MBOAT7: variants seen among roughly 807,000 people sequenced by gnomAD.
The protein encoded by MBOAT7 is membrane-bound acylglycerophosphatidylinositol O-acyltransferase MBOAT7.
MBOAT7 carries 40 observed loss-of-function variants against 47.4 expected under a neutral mutation model. That is an observed-to-expected ratio of 0.84 (90% CI 0.66 to 1.10). The LOEUF is 1.10. MBOAT7 is among the 50% of genes least tolerant of loss of function. The pLI, the probability that MBOAT7 is intolerant of heterozygous loss-of-function variation, is 0.00. For missense variants in MBOAT7, 680 were observed against 655.6 expected, an observed-to-expected ratio of 1.04 and a Z score of -0.41; for synonymous variants, 361 against 292.0, an observed-to-expected ratio of 1.24 and a Z score of -2.41.
At position 54,188,458 on chromosome 19, in the gene MBOAT7, G is replaced by A; in HGVS notation, c.51C>T (p.Pro17=). ...CGGCTTTCTTAAAGAGGAAGCCGAT[G>A]GGGATGGAGATAAGAAGAACCACTA... ...TYLVVLLISI[P]IGFLFKKAGP... Residue 17 remains proline, a synonymous_variant, in exon 2 of 8, where the codon CCC becomes CCT. Transcript: ENST00000245615. 3.2e-6 allele frequency: 5 copies of A among 1,557,822 alleles called. No homozygotes were observed. The highest frequency in any genetic ancestry group is 2.4e-5 in the East Asian group (1 of 41,492).
At position 54,180,505 on chromosome 19, in the gene MBOAT7, T is replaced by G; in HGVS notation, c.854+268A>C. On this transcript the variant is annotated intron_variant, in intron 6 of 7. Coordinates refer to ENST00000245615, the MANE Select transcript of MBOAT7 (RefSeq NM_024298.5). This position sits in a 1 kb window ranked among gnomAD's most constrained non-coding sequence, Gnocchi z 5.2. ...CAACAGAGGGGTGGCACAGGGTTGC[T>G]AAGTTACCACCTTTTCCTAGCGACA... 1 of 441,484 alleles carries G rather than the reference T, an allele frequency of 2.3e-6. No individual in the cohort carries two copies. Among genetic ancestry groups the G allele is most frequent in the Non-Finnish European group, 4.0e-6 (1 of 249,610 alleles). 27.3% of individuals were successfully genotyped at this position (441,484 alleles called of 1,614,324 possible).
At chr19:54,181,988 A>G (rs2076298187) in intron 5 of MBOAT7, among the ~76,000 whole-genome samples, 1 of 68,244 alleles carries the variant, frequency 1.5e-5, no homozygotes, top group Non-Finnish European at 3.4e-5. Context: ...GGAGGGAAGG[A>G]AGGAGGGAGG....
At chr19:54,189,259 GC>G in intron 1 of MBOAT7, 78 bp downstream of exon 1, 1 of 153,298 alleles carries the variant, frequency 6.5e-6, no homozygotes, top group Non-Finnish European at 1.5e-5. Flanking sequence ...CTCCGGGGCC[GC>G]CCCGCACCCG....
Position 54,181,258 on chromosome 19 carries a change from G to A in MBOAT7, c.494-125C>T, listed in dbSNP as rs1357614278. 1.2e-5 allele frequency: 15 copies of A among 1,205,422 alleles called. 1 individual carries two copies. The South Asian group carries it at 1.8e-4, about 15-fold the overall frequency. 74.7% of individuals were successfully genotyped at this position (1,205,422 alleles called of 1,614,324 possible). A position where few individuals can be genotyped will look rare whatever the true frequency, so the allele number is the denominator to read the frequency against. On this transcript the variant is annotated intron_variant, in intron 5 of 7. Coordinates refer to ENST00000245615, the MANE Select transcript of MBOAT7 (RefSeq NM_024298.5). ...GGAGTGAGAGGGGCAGAGACTGGGC[G>A]CCGGGGAGACCCCAAGGGTAGGGAC...
chr19:54,178,667 G>A (rs1308966803), intron 7 of MBOAT7, 98 bp downstream of exon 7: 35 of 1,510,452 alleles, frequency 2.3e-5, no homozygotes, highest in South Asian at 2.6e-5. Context: ...ATGAGCCTCC[G>A]GGGGCAGGGG....
At chr19:54,174,837 T>C (rs565253656) in intron 7 of MBOAT7, among the ~76,000 whole-genome samples, 3 of 152,284 alleles carry the variant, frequency 2.0e-5, no homozygotes, top group Middle Eastern at 3.4e-3. Context: ...TCTGTCTCCT[T>C]CAGGGATCCA....
At position 54,188,282 on chromosome 19, in the gene MBOAT7, G is replaced by T; in HGVS notation, c.141C>A (p.Gly47=). Reference sequence around the variant, plus strand: ...TGACCAGAGAATGCAAAGTGTGGGGGCCACAGGTGAACAGGGTGAGCCCCA... The same window carrying T: ...TGACCAGAGAATGCAAAGTGTGGGGTCCACAGGTGAACAGGGTGAGCCCCA... ...VGLGLTLFTC[G]PHTLHSLVTI... The change falls in exon 3 of 8, where the codon GGC becomes GGA. Residue 47 remains glycine (G), a synonymous_variant. Transcript: ENST00000245615. 1.9e-6 allele frequency: 3 copies of T among 1,613,950 alleles called. No individual in the cohort carries two copies. The highest frequency in any genetic ancestry group is 1.7e-6 in the Non-Finnish European group (2 of 1,179,946).
intron 7 of MBOAT7, chr19:54,178,137 C>T: frequency 3.0e-6 from 2 of 664,152 alleles, no homozygotes; most frequent in Non-Finnish European, 3.7e-6. Flanking sequence ...GTCTCGAACT[C>T]CTGACCTCAT....
rs761565984 is a variant in MBOAT7 at position 54,177,900 on chromosome 19, GTTTTTTTTTTT to G, written c.1031+854_1031+864del. On this transcript the variant is annotated intron_variant, in intron 7 of 7. Coordinates refer to ENST00000245615, the MANE Select transcript of MBOAT7 (RefSeq NM_024298.5). ...ATGCCTGGCTATGAGTTCTACTTCT[GTTTTTTTTTTT>G]TTTTTTTTTTTTTTTTTTTGAGACG... Among the ~76,000 whole-genome samples, 546 of 75,948 alleles carry G rather than the reference GTTTTTTTTTTT, an allele frequency of 7.2e-3. 11 individuals carry two copies. The highest frequency in any genetic ancestry group is 0.017 in the African/African-American group (309 of 17,724). 49.8% of individuals were successfully genotyped at this position (75,948 alleles called of 152,430 possible). A position where few individuals can be genotyped will look rare whatever the true frequency, so the allele number is the denominator to read the frequency against.
chr19:54,188,251 G>T lies in MBOAT7; in HGVS notation c.172C>A (p.Leu58Ile). 1.2e-6 allele frequency: 2 copies of T among 1,613,848 alleles called. No individual in the cohort carries two copies. The highest frequency in any genetic ancestry group is 2.2e-5 in the South Asian group (2 of 91,040). ...GCCTGAATGAGGGCCCAGGTCCCGA[G>T]GATGGTGACCAGAGAATGCAAAGTG... ...PHTLHSLVTI[L>I]GTWALIQAQP... is the part of the protein sequence containing the mutation. Residue 58 changes from leucine to isoleucine, a missense_variant, in exon 3 of 8, where the codon CTC becomes ATC. Transcript: ENST00000245615.
chr19:54,182,628 A>C (rs2076319383), intron 5 of MBOAT7, among the ~76,000 whole-genome samples: 3 of 152,084 alleles, frequency 2.0e-5, no homozygotes, highest in Admixed American at 6.6e-5. Flanking sequence ...ATTAATGAAA[A>C]ATATTTTCTT....
chr19:54,188,015 C>CAAAAAGAAAGAAAGAAAGAAAGAAAGAA (rs1491140764), intron 3 of MBOAT7, among the ~76,000 whole-genome samples: 10 of 78,328 alleles, frequency 1.3e-4, no homozygotes, highest in Admixed American at 3.2e-4. Context: ...AACTCCATCT[C>CAAAAAGAAAGAAAGAAAGAAAGAAAGAA]AGAAAGAAAG....
chr19:54,176,050 T>G (rs577137679), intron 7 of MBOAT7, among the ~76,000 whole-genome samples: 2 of 152,142 alleles, frequency 1.3e-5, no homozygotes, highest in East Asian at 3.9e-4. Flanking sequence ...AGAGATGGGG[T>G]TTCACCACGT....
At chr19:54,186,782 C>A (rs1004570728) in intron 4 of MBOAT7, among the ~76,000 whole-genome samples, 1 of 152,156 alleles carries the variant, frequency 6.6e-6, no homozygotes, top group Non-Finnish European at 1.5e-5. Context: ...ACCTGGATGC[C>A]CTAGTTTTGT....
At position 54,174,239 on chromosome 19, in the gene MBOAT7, G is replaced by A. The variant is rs1205630374; in HGVS notation, c.1224C>T (p.Asp408=). 6.2e-7 allele frequency: 1 copy of A among 1,607,780 alleles called. No homozygotes were observed. Among genetic ancestry groups the A allele is most frequent in the East Asian group, 2.2e-5 (1 of 44,680 alleles). ...VHWFLKMRAY[D]YMCMGFVLLS... ...GCAGCACGAAGCCCATGCACATGTAGTCATAGGCGCGCATCTTCAGGAACC... is the reference window on the plus strand; with the variant it reads ...GCAGCACGAAGCCCATGCACATGTAATCATAGGCGCGCATCTTCAGGAACC... Residue 408 remains aspartate (D), a synonymous_variant, in exon 8 of 8, where the codon GAC becomes GAT. Transcript: ENST00000245615.
intron 3 of MBOAT7, among the ~76,000 whole-genome samples, 180 bp downstream of exon 3, chr19:54,188,037 G>GAAAA (rs1458748366): frequency 2.0e-5 from 1 of 48,914 alleles, no homozygotes; most frequent in East Asian, 1.1e-3. Flanking sequence ...AAGAAAGAAA[G>GAAAA]AAAGAAAGAA....
In MBOAT7 at chr19:54,183,513, C is replaced by T. The variant is rs751372535; in HGVS notation, c.493+8G>A. On this transcript the variant is annotated splice_region_variant and intron_variant, in intron 5 of 7. Transcript: ENST00000245615. Reference sequence around the variant, plus strand: ...GAGCGGCAGAGTTGTTAGGGCAGCCCCACTCACCTGTCATGATTCCCACGT... The same window carrying T: ...GAGCGGCAGAGTTGTTAGGGCAGCCTCACTCACCTGTCATGATTCCCACGT... 1 of 1,606,592 alleles carries T rather than the reference C, an allele frequency of 6.2e-7. No homozygotes were observed. The highest frequency in any genetic ancestry group is 1.1e-5 in the South Asian group (1 of 89,626).
chr19:54,181,363 AACAG>A (rs1035503267), intron 5 of MBOAT7, among the ~76,000 whole-genome samples: 39 of 151,896 alleles, frequency 2.6e-4, no homozygotes, highest in African/African-American at 9.4e-4. Context: ...GTAACAGAAA[AACAG>A]ACAGAGGGGC....
Position 54,187,137 on chromosome 19 carries a change from G to A in MBOAT7, c.333+24C>T, listed in dbSNP as rs374868717. Reference sequence around the variant, plus strand: ...AAGGGGCCCACAGGGAGGCTGGAGGGGAGTGGCAAGCCCCGAGTCTGACCT... The same window carrying A: ...AAGGGGCCCACAGGGAGGCTGGAGGAGAGTGGCAAGCCCCGAGTCTGACCT... On this transcript the variant is annotated intron_variant, in intron 4 of 7. Coordinates refer to ENST00000245615, the MANE Select transcript of MBOAT7 (RefSeq NM_024298.5). 27 of 1,544,250 alleles carry A rather than the reference G, an allele frequency of 1.7e-5. No individual in the cohort carries two copies. In the African/African-American group the frequency reaches 3.7e-4, roughly 21 times the overall value.
Sources: gnomAD v4.1 joint callset for allele counts (sites outside exome capture counted in the v4.1 genomes callset) on GRCh38, gnomAD v4.1.1 for gene constraint, Gnocchi (gnomAD v3.1) non-coding constraint, MANE v1.5 for transcripts, NCBI Gene and HGNC (gene_info 2026-07-23, HGNC 2026-07-21) for gene names.